Variants in CSMD2 observed in about 807,000 individuals in gnomAD.
The protein encoded by CSMD2 is CUB and sushi domain-containing protein 2.
In CSMD2, 130 loss-of-function variants were observed where a neutral mutation model predicts 398.5. The ratio of observed to expected loss-of-function variants is 0.33; its 90% CI spans 0.28 to 0.38. CSMD2 has a LOEUF of 0.38. Ranked by LOEUF, CSMD2 falls within the 10% of genes least tolerant of loss-of-function variation. CSMD2 has a pLI of 1.00. For missense variants in CSMD2, 3,829 were observed against 4,764.9 expected, an observed-to-expected ratio of 0.80 and a Z score of 5.78; for synonymous variants, 1,828 against 1,908.5, an observed-to-expected ratio of 0.96 and a Z score of 1.10.
chr1:33,658,040 A>G lies in CSMD2; in HGVS notation c.4353T>C (p.Cys1451=). The change falls in exon 27 of 71, where the codon TGT becomes TGC. Residue 1451 remains cysteine (C), a synonymous_variant. Coordinates refer to ENST00000373381, the MANE Select transcript of CSMD2 (RefSeq NM_001281956.2). ...WEAGDSTVFQ[C]DPGYALQGSA... is the part of the protein sequence containing the mutation. ...TTCCCTGCAGCGCGTAGCCAGGGTC[A>G]CACTGGAACACTGTGGAGTCGCCGG... 6.2e-7 allele frequency: 1 copy of G among 1,614,212 alleles called. No homozygotes were observed. Among genetic ancestry groups the G allele is most frequent in the Non-Finnish European group, 8.5e-7 (1 of 1,180,034 alleles).
intron 55 of CSMD2, among the ~76,000 whole-genome samples, chr1:33,557,415 G>A (rs1309996902): frequency 1.3e-5 from 2 of 152,252 alleles, no homozygotes; most frequent in East Asian, 1.9e-4. Context: ...ATGATGTCCC[G>A]CGAGGCAGCC....
intron 29 of CSMD2, among the ~76,000 whole-genome samples, chr1:33,640,606 T>C (rs1471518371): frequency 1.3e-5 from 2 of 152,212 alleles, no homozygotes; most frequent in Non-Finnish European, 2.9e-5. Flanking sequence ...CAGAAAAAGT[T>C]TGCCAACTCC....
chr1:33,810,954 T>C (rs1185330068), intron 9 of CSMD2, 90 bp from the exon 10 acceptor site: 1 of 1,416,258 alleles, frequency 7.1e-7, no homozygotes, highest in Non-Finnish European at 9.7e-7. Context: ...AGACACTGCA[T>C]CTGTACAGTT....
intron 26 of CSMD2, among the ~76,000 whole-genome samples, chr1:33,661,931 C>T (rs1571132039): frequency 1.3e-5 from 2 of 152,242 alleles, no homozygotes; most frequent in East Asian, 1.9e-4. Context: ...GAAACTCCCC[C>T]CCTCCCTCCC....
chr1:34,026,423 T>C (rs1040287053), intron 3 of CSMD2, among the ~76,000 whole-genome samples: 1 of 152,126 alleles, frequency 6.6e-6, no homozygotes, highest in Non-Finnish European at 1.5e-5. Context: ...AAGCCTATAG[T>C]TTGATAGTGA....
At chr1:34,149,192 T>C (rs1640058560) in intron 1 of CSMD2, among the ~76,000 whole-genome samples, 1 of 152,154 alleles carries the variant, frequency 6.6e-6, no homozygotes, top group Non-Finnish European at 1.5e-5. Context: ...CTGAGCCCCT[T>C]GGGTCCTCAC....
chr1:34,133,010 A>T (rs949445425), intron 1 of CSMD2, among the ~76,000 whole-genome samples: 3 of 151,606 alleles, frequency 2.0e-5, no homozygotes, highest in South Asian at 2.1e-4. Flanking sequence ...ACCTTGACTA[A>T]TACAGCTTTC....
intron 15 of CSMD2, among the ~76,000 whole-genome samples, chr1:33,727,405 CT>C (rs1205532412): frequency 6.6e-6 from 1 of 152,196 alleles, no homozygotes; most frequent in East Asian, 1.9e-4. Flanking sequence ...TCTCAGCTGC[CT>C]CTTTCCCACC....
chr1:33,985,527 T>C (rs1340071217), intron 3 of CSMD2, among the ~76,000 whole-genome samples: 2 of 152,050 alleles, frequency 1.3e-5, no homozygotes, highest in Admixed American at 6.5e-5. Context: ...AGGGTGCTTG[T>C]AGGAAAGATC....
At chr1:33,806,759 C>T (rs1203328080) in intron 10 of CSMD2, among the ~76,000 whole-genome samples, 2 of 152,076 alleles carry the variant, frequency 1.3e-5, no homozygotes, top group Non-Finnish European at 1.5e-5. Flanking sequence ...GTGCAGACTA[C>T]ATTTGAAATT....
chr1:33,882,876 G>A (rs1350565653), intron 5 of CSMD2, among the ~76,000 whole-genome samples: 1 of 151,790 alleles, frequency 6.6e-6, no homozygotes, highest in Non-Finnish European at 1.5e-5. Context: ...TCGTGGCTAC[G>A]GATGCAGTCT....
chr1:33,661,877 G>A (rs1357275508), intron 26 of CSMD2, among the ~76,000 whole-genome samples: 1 of 152,146 alleles, frequency 6.6e-6, no homozygotes, highest in African/African-American at 2.4e-5. Context: ...CGGGGGCAAA[G>A]CCACGGCACA....
Position 34,091,036 on chromosome 1 carries a change from T to A in CSMD2, c.188-1843A>T, listed in dbSNP as rs994734748. 2.6e-5 allele frequency among the ~76,000 whole-genome samples: 4 copies of A among 152,154 alleles called. No individual in the cohort carries two copies. In the South Asian group the frequency reaches 8.3e-4, roughly 32 times the overall value. On this transcript the variant is annotated intron_variant, in intron 1 of 70. Transcript: ENST00000373381. ...ACTCTTAGCATACCCATCTTTCAGATCTCAGCCTAGTGTCCTTCCTTGGTC... is the reference window on the plus strand; with the variant it reads ...ACTCTTAGCATACCCATCTTTCAGAACTCAGCCTAGTGTCCTTCCTTGGTC...
chr1:33,567,700 C>A lies in CSMD2; in HGVS notation c.8273G>T (p.Arg2758Leu). 2 of 1,614,092 alleles carry A rather than the reference C, an allele frequency of 1.2e-6. No homozygotes were observed. The highest frequency in any genetic ancestry group is 1.3e-5 in the African/African-American group (1 of 75,026). Reference protein sequence around the residue: ...GHINGENYSYRGSVVYQCNAG... With the variant: ...GHINGENYSYLGSVVYQCNAG... Reference sequence around the variant, plus strand: ...ATTGCATTGGTACACCACACTGCCCCGGTAGCTGTAGTTCTCCCCATTGAT... The same window carrying A: ...ATTGCATTGGTACACCACACTGCCCAGGTAGCTGTAGTTCTCCCCATTGAT... The change falls in exon 53 of 71, where the codon CGG becomes CTG. Residue 2758 changes from arginine to leucine, a missense_variant. This residue lies in a region of CSMD2 where 917 missense variants were observed against 1,199.5 expected (regional missense o/e 0.76). Transcript: ENST00000373381.
At position 33,726,418 on chromosome 1, in the gene CSMD2, C is replaced by A; in HGVS notation, c.2507+129G>T. The stretch of plus-strand genomic sequence containing the variant: ...TCTGCCCCACCCAGGGCAATTTGGT[C>A]CAGTGTTCTCCAACCTTGCTGACAT... On this transcript the variant is annotated intron_variant, in intron 16 of 70. Coordinates refer to ENST00000373381, the MANE Select transcript of CSMD2 (RefSeq NM_001281956.2). The A allele has an allele frequency of 2.6e-6, 3 of 1,138,260 alleles. No individual in the cohort carries two copies. The South Asian group carries it at 5.3e-5, about 20-fold the overall frequency. The allele number at this position is 1,138,260 out of a possible 1,614,324, so 70.5% of individuals were successfully genotyped here. A position where few individuals can be genotyped will look rare whatever the true frequency, so the allele number is the denominator to read the frequency against.
intron 62 of CSMD2, among the ~76,000 whole-genome samples, chr1:33,535,147 G>A (rs1032282445): frequency 5.3e-5 from 8 of 152,036 alleles, no homozygotes; most frequent in Admixed American, 2.0e-4. Context: ...TGTGATATCC[G>A]ACATACACAA....
At chr1:34,144,229 G>C (rs1639565788) in intron 1 of CSMD2, among the ~76,000 whole-genome samples, 1 of 152,138 alleles carries the variant, frequency 6.6e-6, no homozygotes, top group South Asian at 2.1e-4. Flanking sequence ...CCAGCTGCAG[G>C]CGGTGCCAAC....
At chr1:33,553,550 T>C (rs1657664947) in intron 55 of CSMD2, among the ~76,000 whole-genome samples, 1 of 152,136 alleles carries the variant, frequency 6.6e-6, no homozygotes, top group Admixed American at 6.5e-5. Context: ...CCTCTAAGTG[T>C]TCAAGTGAAA....
chr1:33,517,802 C>T (rs1232937555), intron 70 of CSMD2, among the ~76,000 whole-genome samples: 2 of 152,192 alleles, frequency 1.3e-5, no homozygotes, highest in East Asian at 3.9e-4. Flanking sequence ...CAGGCTGAAA[C>T]TGTGAAATCC....
Sources: gnomAD v4.1 joint callset for allele counts (sites outside exome capture counted in the v4.1 genomes callset) on GRCh38, gnomAD v4.1.1 for gene constraint, gnomAD v4.1.1 regional missense constraint, MANE v1.5 for transcripts, NCBI Gene and HGNC (gene_info 2026-07-23, HGNC 2026-07-21) for gene names.